Variants in PSMA2 observed in about 807,000 individuals in gnomAD.
PSMA2 encodes proteasome subunit alpha type-2.
A neutral mutation model predicts 35.9 loss-of-function variants in PSMA2; 2 were observed. That is an observed-to-expected ratio of 0.06 (90% CI 0.02 to 0.18). The LOEUF is 0.18. Ranked by LOEUF, PSMA2 falls within the 10% of genes least tolerant of loss-of-function variation. PSMA2 has a pLI of 1.00. For synonymous variants in PSMA2, 97 were observed against 98.2 expected, an observed-to-expected ratio of 0.99 and a Z score of 0.07; for missense variants, 126 against 278.8, an observed-to-expected ratio of 0.45 and a Z score of 3.90.
intron 1 of PSMA2, among the ~76,000 whole-genome samples, chr7:42,929,003 G>C (rs1419492898): frequency 1.3e-5 from 2 of 151,646 alleles, no homozygotes; most frequent in African/African-American, 4.8e-5. Flanking sequence ...TTAGTAACAG[G>C]GTCTTGCTAT....
chr7:42,928,142 C>T (rs892767925), intron 1 of PSMA2, among the ~76,000 whole-genome samples: 2 of 152,200 alleles, frequency 1.3e-5, no homozygotes, highest in Non-Finnish European at 2.9e-5. Flanking sequence ...GGGCTGACTA[C>T]AGGACTTGAA....
At chr7:42,930,523 A>G (rs1786286632) in intron 1 of PSMA2, among the ~76,000 whole-genome samples, 1 of 151,536 alleles carries the variant, frequency 6.6e-6, no homozygotes, top group Non-Finnish European at 1.5e-5. Flanking sequence ...AGTAGCTGGG[A>G]TTACAGGTGT....
rs183465041 is a variant in PSMA2 at position 42,928,202 on chromosome 7, A to C, written c.42-743T>G. ...GGGTACTGAAATCACCGTCCCCTAC[A>C]AGTGTCCTGTACCTATTTCAAAGCA... On this transcript the variant is annotated intron_variant, in intron 1 of 7. Transcript: ENST00000223321. Among the ~76,000 whole-genome samples, 492 of 152,320 alleles carry C rather than the reference A, an allele frequency of 3.2e-3. 2 individuals are homozygous for C. Among genetic ancestry groups the C allele is most frequent in the Admixed American group, 5.2e-3 (79 of 15,300 alleles).
chr7:42,928,812 A>C (rs1786251593), intron 1 of PSMA2, among the ~76,000 whole-genome samples: 1 of 152,114 alleles, frequency 6.6e-6, no homozygotes, highest in Non-Finnish European at 1.5e-5. Context: ...TGACAAGCTA[A>C]TCCCTCCATC....
At chr7:42,923,201 T>A (rs376872258) in intron 5 of PSMA2, 124 bp downstream of exon 5, 2 of 768,300 alleles carry the variant, frequency 2.6e-6, no homozygotes, top group African/African-American at 3.5e-5. Flanking sequence ...ACCTCATACT[T>A]TCTAAAGCCC....
intron 2 of PSMA2, 77 bp downstream of exon 2, chr7:42,927,306 A>G: frequency 7.6e-7 from 1 of 1,310,228 alleles, no homozygotes. Flanking sequence ...GCTCTGTATA[A>G]ATTAATTACT....
intron 2 of PSMA2, 96 bp downstream of exon 2, chr7:42,927,287 A>T: frequency 1.9e-6 from 2 of 1,080,256 alleles, no homozygotes; most frequent in South Asian, 1.5e-5. Flanking sequence ...TAAAAATTAT[A>T]CTGCTGCAGC....
rs545888181 is a variant in PSMA2, at chr7:42,919,669, G to A, written c.531-1834C>T. 7 of 563,986 alleles carry A rather than the reference G, an allele frequency of 1.2e-5. 1 individual carries two copies. The African/African-American group carries it at 1.3e-4, about 11-fold the overall frequency. 34.9% of individuals were successfully genotyped at this position (563,986 alleles called of 1,614,324 possible). On this transcript the variant is annotated intron_variant, in intron 6 of 7. Coordinates refer to ENST00000223321, the MANE Select transcript of PSMA2 (RefSeq NM_002787.5). ...AACTTATGGCTGATCCAGTGCTTTT[G>A]ACAGTACAGTAAGTTTGGAACCAAT...
intron 4 of PSMA2, among the ~76,000 whole-genome samples, 189 bp downstream of exon 4, chr7:42,924,486 G>T (rs1001845023): frequency 1.3e-5 from 2 of 150,546 alleles, no homozygotes; most frequent in Non-Finnish European, 2.9e-5. Context: ...TAAGCAACAA[G>T]AAAACACATT....
At chr7:42,928,982 A>G (rs1786253680) in intron 1 of PSMA2, among the ~76,000 whole-genome samples, 1 of 145,472 alleles carries the variant, frequency 6.9e-6, no homozygotes, top group African/African-American at 2.5e-5. Context: ...CTGAATTGTT[A>G]TTTTTTTTTT....
intron 6 of PSMA2, chr7:42,920,765 T>A (rs1171722830): frequency 6.6e-6 from 1 of 152,238 alleles, no homozygotes; most frequent in African/African-American, 2.4e-5. Flanking sequence ...GTGAAAAATG[T>A]ACTGTGAAGG....
At chr7:42,926,182 A>G (rs1210804914) in intron 3 of PSMA2, among the ~76,000 whole-genome samples, 2 of 152,248 alleles carry the variant, frequency 1.3e-5, no homozygotes, top group African/African-American at 4.8e-5. Flanking sequence ...ATAGTTTATT[A>G]TAACTTAAAT....
In PSMA2 at chr7:42,918,133, C is replaced by A. The variant is rs1039744916; in HGVS notation, c.531-298G>T. 8 of 168,842 alleles carry A rather than the reference C, an allele frequency of 4.7e-5. No homozygotes were observed. The South Asian group carries it at 1.0e-3, about 22-fold the overall frequency. 10.5% of individuals were successfully genotyped at this position (168,842 alleles called of 1,614,324 possible). On this transcript the variant is annotated intron_variant, in intron 6 of 7. Transcript: ENST00000223321. ...CTTACTGCAAGCTCCACCTCCCGGG[C>A]TCATGCCATTCTCCTGCCTCAGCCT... is the stretch of plus-strand genomic sequence containing the variant.
chr7:42,930,056 A>G (rs1786273011), intron 1 of PSMA2, among the ~76,000 whole-genome samples: 1 of 152,168 alleles, frequency 6.6e-6, no homozygotes, highest in Non-Finnish European at 1.5e-5. Flanking sequence ...TTACTCATTT[A>G]TTGTCAATTC....
chr7:42,924,368 A>G (rs867995416), intron 4 of PSMA2, among the ~76,000 whole-genome samples: 160 of 150,962 alleles, frequency 1.1e-3, no homozygotes, highest in African/African-American at 3.8e-3. Context: ...AAAAAAAAAA[A>G]AAAAAAAAAA....
intron 6 of PSMA2, chr7:42,918,590 G>C (rs1019808480): frequency 1.3e-5 from 2 of 151,638 alleles, no homozygotes; most frequent in African/African-American, 2.4e-5. Flanking sequence ...CCCCTCCCTA[G>C]CTCCTTCCTA....
At chr7:42,918,475 G>A (rs945368223) in intron 6 of PSMA2, 9 of 152,250 alleles carry the variant, frequency 5.9e-5, no homozygotes, top group African/African-American at 2.2e-4. Flanking sequence ...GCCGATACCA[G>A]TGTGGACGGT....
Position 42,921,945 on chromosome 7 carries a change from A to G in PSMA2, c.457-14T>C, listed in dbSNP as rs759699637. 1.9e-6 allele frequency: 3 copies of G among 1,598,302 alleles called. No homozygotes were observed. The highest frequency in any genetic ancestry group is 2.6e-6 in the Non-Finnish European group (3 of 1,168,472). On this transcript the variant is annotated splice_polypyrimidine_tract_variant and intron_variant, in intron 5 of 7. Transcript: ENST00000223321. ...AAAGTAAGCTCCCTAATCAGGAAAG[A>G]AAGAGTAAAAAACCATATTTTAAAA... is the stretch of plus-strand genomic sequence containing the variant.
chr7:42,932,048 G>A, intron 1 of PSMA2, 70 bp downstream of exon 1: 1 of 1,592,068 alleles, frequency 6.3e-7, no homozygotes, highest in African/African-American at 1.3e-5. Flanking sequence ...ACGTCAGGAT[G>A]GGAAAAACTA....
Sources: allele counts gnomAD v4.1 joint callset (sites outside exome capture counted in the v4.1 genomes callset), GRCh38; gene constraint gnomAD v4.1.1; transcripts MANE v1.5; gene names NCBI Gene and HGNC (gene_info 2026-07-23, HGNC 2026-07-21).